The following ZHX2 variants were observed in gnomAD, a reference collection of about 807,000 sequenced individuals.
ZHX2 encodes zinc fingers and homeoboxes protein 2.
A neutral mutation model predicts 21.9 loss-of-function variants in ZHX2; 6 were observed. The ratio of observed to expected loss-of-function variants is 0.27; its 90% CI spans 0.15 to 0.54. The LOEUF (loss-of-function observed/expected upper bound fraction) is 0.54. Among genes scored for constraint, ZHX2 ranks in the 20% least tolerant of loss-of-function variants. The pLI, the probability that ZHX2 is intolerant of heterozygous loss-of-function variation, is 0.95. For missense variants in ZHX2, 908 were observed against 1,090.7 expected, an observed-to-expected ratio of 0.83 and a Z score of 2.36; for synonymous variants, 434 against 437.1, an observed-to-expected ratio of 0.99 and a Z score of 0.09.
chr8:122,798,770 G>T (rs1040780662), intron 1 of ZHX2, among the ~76,000 whole-genome samples: 6 of 151,360 alleles, frequency 4.0e-5, no homozygotes, highest in African/African-American at 1.5e-4. Flanking sequence ...CTGCACTCCA[G>T]CCTGGGGACA....
At chr8:122,856,525 T>C (rs1406809120) in intron 1 of ZHX2, among the ~76,000 whole-genome samples, 1 of 152,114 alleles carries the variant, frequency 6.6e-6, no homozygotes, top group Non-Finnish European at 1.5e-5. Flanking sequence ...ATCTCTTCTG[T>C]GAGGGCTCAC....
chr8:122,961,525 G>A (rs1586428234), intron 3 of ZHX2, among the ~76,000 whole-genome samples: 1 of 152,178 alleles, frequency 6.6e-6, no homozygotes, highest in African/African-American at 2.4e-5. Context: ...AATTTATAAA[G>A]GAAAGAGGTT....
chr8:122,924,490 C>T (rs955424317), intron 2 of ZHX2, among the ~76,000 whole-genome samples: 2 of 152,186 alleles, frequency 1.3e-5, no homozygotes, highest in Admixed American at 1.3e-4. Context: ...AAGACTTTGA[C>T]ATATCTTTTT....
At chr8:122,866,823 A>AT in intron 2 of ZHX2, among the ~76,000 whole-genome samples, 1 of 152,056 alleles carries the variant, frequency 6.6e-6, no homozygotes, top group South Asian at 2.1e-4. Flanking sequence ...TAATTTCTTT[A>AT]TTTTTTATTT....
intron 3 of ZHX2, among the ~76,000 whole-genome samples, chr8:122,954,568 C>G (rs145219356): frequency 2.4e-3 from 372 of 152,294 alleles, no homozygotes; most frequent in Non-Finnish European, 3.4e-3. Context: ...ATCTGCCTCC[C>G]AAAGTGCTGG....
chr8:122,835,075 C>T (rs534423730), intron 1 of ZHX2, among the ~76,000 whole-genome samples: 10 of 152,268 alleles, frequency 6.6e-5, no homozygotes, highest in African/African-American at 2.4e-4. Flanking sequence ...AGAGGATAAC[C>T]TAGAGGTCAT....
intron 2 of ZHX2, among the ~76,000 whole-genome samples, chr8:122,934,025 A>G (rs1363222699): frequency 6.6e-6 from 1 of 152,128 alleles, no homozygotes; most frequent in Non-Finnish European, 1.5e-5. Context: ...TTAATCATCT[A>G]TTGGGGCTGC....
chr8:122,942,898 T>C lies in ZHX2; in HGVS notation c.-219-8394T>C, dbSNP rs191628311. Among the ~76,000 whole-genome samples, 24 of 152,284 alleles carry C rather than the reference T, an allele frequency of 1.6e-4. No individual in the cohort carries two copies. In the East Asian group the frequency reaches 2.9e-3, roughly 18 times the overall value. On this transcript the variant is annotated intron_variant, in intron 2 of 3. Coordinates refer to ENST00000314393, the MANE Select transcript of ZHX2 (RefSeq NM_014943.5). ...AGAGGAGAGTGCTTCTTGGGGAGCC[T>C]TACAGAGCCCTGTACCTTAAAGCTT...
At chr8:122,802,535 T>C (rs1817739346) in intron 1 of ZHX2, among the ~76,000 whole-genome samples, 1 of 152,182 alleles carries the variant, frequency 6.6e-6, no homozygotes, top group South Asian at 2.1e-4. Flanking sequence ...GGACTTGCCT[T>C]TCCACCCAGA....
intron 1 of ZHX2, among the ~76,000 whole-genome samples, chr8:122,847,400 C>G (rs559919568): frequency 6.6e-6 from 1 of 152,224 alleles, no homozygotes; most frequent in South Asian, 2.1e-4. Context: ...CAGTCCTCCA[C>G]CCAGTGACCT....
In ZHX2 at chr8:122,802,463, G is replaced by A. The variant is rs555020085; in HGVS notation, c.-283+20517G>A. Among the ~76,000 whole-genome samples the A allele has an allele frequency of 2.2e-4, 34 of 152,290 alleles. No individual in the cohort carries two copies. The South Asian group carries it at 3.3e-3, about 15-fold the overall frequency. Reference sequence around the variant, plus strand: ...TAAGACCTGTTGCTGTCAGAGGCCCGTGGCTGCCCTAGCTCCCTTGTATAG... The same window carrying A: ...TAAGACCTGTTGCTGTCAGAGGCCCATGGCTGCCCTAGCTCCCTTGTATAG... On this transcript the variant is annotated intron_variant, in intron 1 of 3. Coordinates refer to ENST00000314393, the MANE Select transcript of ZHX2 (RefSeq NM_014943.5).
In ZHX2 at chr8:122,837,462, T is replaced by A. The variant is rs149663369; in HGVS notation, c.-282-26015T>A. On this transcript the variant is annotated intron_variant, in intron 1 of 3. Transcript: ENST00000314393. ...CATAAGCTGGTCCTGCCACTACCCC[T>A]ACAGGTTTCAAACACCCACCCTCCT... 6.3e-3 allele frequency among the ~76,000 whole-genome samples: 963 copies of A among 152,264 alleles called. 6 individuals carry two copies. The highest frequency in any genetic ancestry group is 0.014 in the Middle Eastern group (4 of 294).
intron 1 of ZHX2, among the ~76,000 whole-genome samples, chr8:122,814,393 G>T (rs1817989688): frequency 2.0e-5 from 3 of 152,108 alleles, no homozygotes. Flanking sequence ...AGCACATATT[G>T]GTCCTCACCA....
chr8:122,820,908 G>T (rs1161536706), intron 1 of ZHX2, among the ~76,000 whole-genome samples: 1 of 152,214 alleles, frequency 6.6e-6, no homozygotes, highest in African/African-American at 2.4e-5. Context: ...TGAGCCTCCT[G>T]CCAAAAGGTT....
intron 2 of ZHX2, among the ~76,000 whole-genome samples, chr8:122,885,176 G>T (rs1423743764): frequency 2.0e-5 from 3 of 152,240 alleles, no homozygotes; most frequent in Non-Finnish European, 2.9e-5. Flanking sequence ...AGAGCCAGTT[G>T]TGGCCTGTCA....
At chr8:122,803,807 C>T (rs1586578948) in intron 1 of ZHX2, among the ~76,000 whole-genome samples, 1 of 152,176 alleles carries the variant, frequency 6.6e-6, no homozygotes, top group Admixed American at 6.5e-5. Flanking sequence ...CTCCCAATGC[C>T]CAGCCCCACC....
At chr8:122,964,628 T>C (rs73335742) in intron 3 of ZHX2, among the ~76,000 whole-genome samples, 2,864 of 152,260 alleles carry the variant, frequency 0.019, 72 homozygotes, top group African/African-American at 0.064. Context: ...CATCCTTTCC[T>C]GATTTTGGTA....
chr8:122,799,770 G>C (rs977073305), intron 1 of ZHX2, among the ~76,000 whole-genome samples: 1 of 152,244 alleles, frequency 6.6e-6, no homozygotes, highest in Non-Finnish European at 1.5e-5. Flanking sequence ...TTCTCGAGGA[G>C]AGTCCTGTCC....
At chr8:122,802,629 G>C (rs1016000095) in intron 1 of ZHX2, among the ~76,000 whole-genome samples, 1 of 152,206 alleles carries the variant, frequency 6.6e-6, no homozygotes, top group South Asian at 2.1e-4. Context: ...GCCCCTGCTA[G>C]TCCAAGCTAG....
Sources: allele counts gnomAD v4.1 joint callset (sites outside exome capture counted in the v4.1 genomes callset), GRCh38; gene constraint gnomAD v4.1.1; transcripts MANE v1.5; gene names NCBI Gene and HGNC (gene_info 2026-07-23, HGNC 2026-07-21).